Variants in UBE2W observed in about 807,000 individuals in gnomAD.
UBE2W encodes ubiquitin conjugating enzyme E2 W.
UBE2W carries 18 observed loss-of-function variants against 27.2 expected under a neutral mutation model. The ratio of observed to expected loss-of-function variants is 0.66; its 90% CI spans 0.46 to 0.98. The LOEUF is 0.98. Among genes scored for constraint, UBE2W ranks in the 50% least tolerant of loss-of-function variants. The pLI is 0.00. For synonymous variants in UBE2W, 53 were observed against 57.2 expected (o/e 0.93, Z 0.33); for missense variants, 90 against 180.2 (o/e 0.50, Z 2.87).
chr8:73,845,243 T>C (rs1174692501), intron 1 of UBE2W, among the ~76,000 whole-genome samples: 1 of 152,186 alleles, frequency 6.6e-6, no homozygotes, highest in Non-Finnish European at 1.5e-5. Flanking sequence ...CGGGCCATGA[T>C]GACGATGGCG....
chr8:73,790,213 G>A lies in UBE2W; in HGVS notation c.*3889C>T. On this transcript the variant is annotated 3_prime_UTR_variant, in exon 6 of 6. Coordinates refer to ENST00000602593, the MANE Select transcript of UBE2W (RefSeq NM_018299.6). ...AAAAAAGAGAGAATAAATTAGAAGT[G>A]AGAAAAGGAAACTGCGGAAGACTGA... 1.0e-6 allele frequency: 1 copy of A among 985,086 alleles called. No individual in the cohort carries two copies. The highest frequency in any genetic ancestry group is 1.2e-6 in the Non-Finnish European group (1 of 829,796). The allele number at this position is 985,086 out of a possible 1,614,324, so 61.0% of individuals were successfully genotyped here. A position where few individuals can be genotyped will look rare whatever the true frequency, so the allele number is the denominator to read the frequency against.
intron 1 of UBE2W, among the ~76,000 whole-genome samples, chr8:73,850,814 TATAA>T (rs1417301916): frequency 6.6e-6 from 1 of 151,840 alleles, no homozygotes. Context: ...GTGAATATTT[TATAA>T]ATATTCTTTA....
At chr8:73,838,355 C>T (rs969674491) in intron 1 of UBE2W, among the ~76,000 whole-genome samples, 6 of 152,038 alleles carry the variant, frequency 3.9e-5, no homozygotes, top group African/African-American at 7.2e-5. Flanking sequence ...TACCACAAAA[C>T]GGAATGCCAG....
At chr8:73,845,469 A>G (rs928062206) in intron 1 of UBE2W, among the ~76,000 whole-genome samples, 16 of 152,220 alleles carry the variant, frequency 1.1e-4, no homozygotes, top group Admixed American at 4.6e-4. Context: ...GATTAAGGGC[A>G]GTGCAAGATG....
At chr8:73,839,529 T>C (rs1446862003) in intron 1 of UBE2W, among the ~76,000 whole-genome samples, 1 of 151,464 alleles carries the variant, frequency 6.6e-6, no homozygotes, top group Non-Finnish European at 1.5e-5. Flanking sequence ...TGGTGGCACA[T>C]GCCTGTAATT....
At position 73,864,298 on chromosome 8, in the gene UBE2W, G is replaced by A. The variant is rs539496395; in HGVS notation, c.15+14510C>T. ...AATCCCAACTATTTGGAAGGCTAAG[G>A]CACGAGAATCACTTGAACCTGGGAG... On this transcript the variant is annotated intron_variant, in intron 1 of 5. Coordinates refer to ENST00000602593, the MANE Select transcript of UBE2W (RefSeq NM_018299.6). 3.9e-5 allele frequency among the ~76,000 whole-genome samples: 6 copies of A among 152,296 alleles called. No individual in the cohort carries two copies. The East Asian group carries it at 1.2e-3, about 29-fold the overall frequency.
At position 73,791,896 on chromosome 8, in the gene UBE2W, T is replaced by C. The variant is rs186447968; in HGVS notation, c.*2206A>G. On this transcript the variant is annotated 3_prime_UTR_variant, in exon 6 of 6. Coordinates refer to ENST00000602593, the MANE Select transcript of UBE2W (RefSeq NM_018299.6). Reference sequence around the variant, plus strand: ...AGAGAGGTATGTTAAAATATTGTCATAAAAAACTCAATTGAGGCTATATAT... The same window carrying C: ...AGAGAGGTATGTTAAAATATTGTCACAAAAAACTCAATTGAGGCTATATAT... The C allele has an allele frequency of 7.1e-6, 7 of 984,840 alleles. No homozygotes were observed. The highest frequency in any genetic ancestry group is 8.4e-6 in the Non-Finnish European group (7 of 829,512). 61.0% of individuals were successfully genotyped at this position (984,840 alleles called of 1,614,324 possible).
chr8:73,877,552 G>C (rs1211429954), intron 1 of UBE2W, among the ~76,000 whole-genome samples: 3 of 152,000 alleles, frequency 2.0e-5, no homozygotes, highest in Non-Finnish European at 2.9e-5. Flanking sequence ...ATGCAGAAAA[G>C]GGAAGAAAAA....
chr8:73,875,448 A>G (rs1812180535), intron 1 of UBE2W, among the ~76,000 whole-genome samples: 1 of 152,210 alleles, frequency 6.6e-6, no homozygotes, highest in Non-Finnish European at 1.5e-5. Flanking sequence ...TTTAAAATAC[A>G]TACTCTCCAA....
intron 1 of UBE2W, among the ~76,000 whole-genome samples, chr8:73,876,300 G>C (rs7817049): frequency 1.1e-4 from 17 of 151,928 alleles, no homozygotes; most frequent in African/African-American, 3.6e-4. Flanking sequence ...TCTTAAAAGA[G>C]CCAAATGTTG....
intron 2 of UBE2W, among the ~76,000 whole-genome samples, chr8:73,827,779 A>T (rs1297177108): frequency 6.6e-6 from 1 of 151,906 alleles, no homozygotes; most frequent in Non-Finnish European, 1.5e-5. Context: ...GGCTCAAGGG[A>T]TCCTCCTGCC....
intron 4 of UBE2W, among the ~76,000 whole-genome samples, chr8:73,808,627 A>T (rs1286029418): frequency 6.6e-6 from 1 of 152,240 alleles, no homozygotes; most frequent in Non-Finnish European, 1.5e-5. Flanking sequence ...TTTGTAACTT[A>T]TCACTTAGCA....
intron 1 of UBE2W, among the ~76,000 whole-genome samples, chr8:73,865,832 T>C (rs973440452): frequency 2.6e-5 from 4 of 152,156 alleles, no homozygotes; most frequent in African/African-American, 9.7e-5. Context: ...CTATCTCTAA[T>C]CATAAAATGC....
At chr8:73,828,652 A>G (rs1809948213) in intron 2 of UBE2W, among the ~76,000 whole-genome samples, 1 of 152,170 alleles carries the variant, frequency 6.6e-6, no homozygotes, top group South Asian at 2.1e-4. Context: ...TTGTGGGTAC[A>G]AAGTAGGTGT....
At chr8:73,781,632 T>TA (rs1396814450), downstream of UBE2W, among the ~76,000 whole-genome samples, 82 of 151,432 alleles carry the variant, frequency 5.4e-4, no homozygotes, top group East Asian at 4.5e-3. Context: ...TTTTTTTTTT[T>TA]TTTTTATTTT....
chr8:73,878,627 C>G (rs570901986), intron 1 of UBE2W, among the ~76,000 whole-genome samples, 181 bp downstream of exon 1: 6 of 152,184 alleles, frequency 3.9e-5, no homozygotes, highest in African/African-American at 1.2e-4. Flanking sequence ...CCGCACCCCC[C>G]ACAACGCCTC....
chr8:73,828,188 A>G (rs922542254), intron 2 of UBE2W, among the ~76,000 whole-genome samples: 3 of 152,130 alleles, frequency 2.0e-5, no homozygotes, highest in African/African-American at 7.2e-5. Flanking sequence ...CTGTAATTCT[A>G]ATGTTTAAGC....
intron 1 of UBE2W, among the ~76,000 whole-genome samples, chr8:73,875,629 GC>G (rs1384713614): frequency 6.7e-6 from 1 of 149,084 alleles, no homozygotes; most frequent in Non-Finnish European, 1.5e-5. Flanking sequence ...TCTACTAAAA[GC>G]TTTTTGGGTT....
chr8:73,815,669 C>T (rs1351345270), intron 3 of UBE2W, among the ~76,000 whole-genome samples: 1 of 152,114 alleles, frequency 6.6e-6, no homozygotes, highest in Non-Finnish European at 1.5e-5. Context: ...ACGAAGGAGG[C>T]ACAACTACTG....
Sources: allele counts gnomAD v4.1 joint callset (sites outside exome capture counted in the v4.1 genomes callset), GRCh38; gene constraint gnomAD v4.1.1; transcripts MANE v1.5; gene names NCBI Gene and HGNC (gene_info 2026-07-23, HGNC 2026-07-21).